Variants in MACROD2 observed in about 807,000 individuals in gnomAD.
The protein encoded by MACROD2 is mono-ADP ribosylhydrolase 2.
MACROD2 carries 36 observed loss-of-function variants against 70.4 expected under a neutral mutation model. That is an observed-to-expected ratio of 0.51 (90% CI 0.39 to 0.68). The LOEUF is 0.68. Ranked by LOEUF, MACROD2 falls within the 30% of genes least tolerant of loss-of-function variation. MACROD2 has a pLI of 0.00. For synonymous variants in MACROD2, 172 were observed against 178.8 expected, an observed-to-expected ratio of 0.96 and a Z score of 0.30; for missense variants, 496 against 538.4, an observed-to-expected ratio of 0.92 and a Z score of 0.78.
Position 14,066,805 on chromosome 20 carries a change from ATTTTTTTTTTT to A in MACROD2, c.164-18803_164-18793del, listed in dbSNP as rs34648174. Among the ~76,000 whole-genome samples, 22 of 104,108 alleles carry A rather than the reference ATTTTTTTTTTT, an allele frequency of 2.1e-4. 1 individual carries two copies. Among genetic ancestry groups the A allele is most frequent in the Non-Finnish European group, 3.7e-4 (20 of 53,682 alleles). The allele number at this position is 104,108 out of a possible 152,430, so 68.3% of individuals were successfully genotyped here. On this transcript the variant is annotated intron_variant, in intron 2 of 17. Transcript: ENST00000684519. ...AATTATGAATGCTGTTGTTTTAGTGATTTTTTTTTTTTTTTTTTTTTTTGAGACAGAGTCTT... is the reference window on the plus strand; with the variant it reads ...AATTATGAATGCTGTTGTTTTAGTGATTTTTTTTTTTTGAGACAGAGTCTT...
intron 3 of MACROD2, among the ~76,000 whole-genome samples, chr20:14,088,409 A>G (rs1323517552): frequency 6.6e-6 from 1 of 152,114 alleles, no homozygotes; most frequent in African/African-American, 2.4e-5. Context: ...GACACATAAA[A>G]GATATATATT....
At chr20:15,245,434 G>A (rs985482657) in intron 6 of MACROD2, among the ~76,000 whole-genome samples, 1 of 152,162 alleles carries the variant, frequency 6.6e-6, no homozygotes, top group Admixed American at 6.5e-5. Context: ...ATGAGGCAAG[G>A]CACTGGCAAT....
At chr20:15,813,443 G>T (rs1318151937) in intron 8 of MACROD2, among the ~76,000 whole-genome samples, 1 of 152,140 alleles carries the variant, frequency 6.6e-6, no homozygotes, top group African/African-American at 2.4e-5. Flanking sequence ...CTTGTTAGAT[G>T]CCAGCTGAAT....
At chr20:14,018,395 A>G (rs1295430989) in intron 2 of MACROD2, among the ~76,000 whole-genome samples, 1 of 151,864 alleles carries the variant, frequency 6.6e-6, no homozygotes, top group East Asian at 1.9e-4. Context: ...TATTTAATGT[A>G]TGCATTTATA....
At position 14,999,649 on chromosome 20, in the gene MACROD2, G is replaced by GA. The variant is rs546894330; in HGVS notation, c.419-230287dup. Among the ~76,000 whole-genome samples the GA allele has an allele frequency of 9.1e-4, 139 of 152,250 alleles. 1 individual carries two copies. The highest frequency in any genetic ancestry group is 3.2e-3 in the African/African-American group (132 of 41,562). On this transcript the variant is annotated intron_variant, in intron 5 of 17. Transcript: ENST00000684519. ...GACTCTATCTCAAAAAAAGAAAGAG[G>GA]AAAAGATATACATAGAAACAACAAA...
At chr20:15,454,815 G>A (rs1245992948) in intron 7 of MACROD2, among the ~76,000 whole-genome samples, 1 of 58,594 alleles carries the variant, frequency 1.7e-5, no homozygotes, top group African/African-American at 5.9e-5. Context: ...GCGAAAGTGG[G>A]CTTTTAACCA....
chr20:15,710,130 A>T (rs2050602820), intron 8 of MACROD2, among the ~76,000 whole-genome samples: 1 of 151,544 alleles, frequency 6.6e-6, no homozygotes, highest in Non-Finnish European at 1.5e-5. Context: ...CACCAAGGAA[A>T]TGCAACTCAA....
At chr20:14,924,290 T>A (rs1280882337) in intron 5 of MACROD2, among the ~76,000 whole-genome samples, 1 of 151,690 alleles carries the variant, frequency 6.6e-6, no homozygotes, top group Non-Finnish European at 1.5e-5. Context: ...AATACAGAAA[T>A]TAGCCTGGCG....
At chr20:14,860,345 A>G (rs1884020723) in intron 5 of MACROD2, among the ~76,000 whole-genome samples, 1 of 152,054 alleles carries the variant, frequency 6.6e-6, no homozygotes, top group Non-Finnish European at 1.5e-5. Context: ...AGATTGAATC[A>G]ATGCTTTTTT....
chr20:14,723,207 G>GA (rs1674766089), intron 5 of MACROD2, among the ~76,000 whole-genome samples: 1 of 152,112 alleles, frequency 6.6e-6, no homozygotes, highest in African/African-American at 2.4e-5. Flanking sequence ...ATTGAGCTTG[G>GA]AATCAAGTCC....
chr20:13,995,967 A>ACACTCGCGCG lies in MACROD2; in HGVS notation c.46+164_46+173dup, dbSNP rs2052635652. Reference sequence around the variant, plus strand: ...CCGGTGTCCGTGTGTACACACGCGCACACTCGCGCGCACTCCGGCGTGCAC... The same window carrying ACACTCGCGCG: ...CCGGTGTCCGTGTGTACACACGCGCACACTCGCGCGCACTCGCGCGCACTCCGGCGTGCAC... On this transcript the variant is annotated intron_variant, in intron 1 of 17. Transcript: ENST00000684519. This position sits in a 1 kb window ranked among gnomAD's most constrained non-coding sequence, Gnocchi z 4.3. 6.6e-6 allele frequency among the ~76,000 whole-genome samples: 1 copy of ACACTCGCGCG among 152,032 alleles called. No homozygotes were observed. The highest frequency in any genetic ancestry group is 1.5e-5 in the Non-Finnish European group (1 of 67,988).
At chr20:14,290,107 G>A (rs997190041) in intron 3 of MACROD2, among the ~76,000 whole-genome samples, 2 of 152,076 alleles carry the variant, frequency 1.3e-5, no homozygotes, top group Non-Finnish European at 2.9e-5. Flanking sequence ...TTTTGGTTTG[G>A]CAGTTACCAC....
chr20:15,866,878 G>A (rs1012692908), intron 9 of MACROD2, among the ~76,000 whole-genome samples: 1 of 152,136 alleles, frequency 6.6e-6, no homozygotes, highest in African/African-American at 2.4e-5. Context: ...AGTGGTAAAC[G>A]AGAAGCCCAA....
chr20:14,204,510 C>G (rs751822403), intron 3 of MACROD2, among the ~76,000 whole-genome samples: 16 of 152,278 alleles, frequency 1.1e-4, no homozygotes, highest in Admixed American at 2.6e-4. Flanking sequence ...GTGAACTCCT[C>G]TCTGAAACAA....
chr20:15,667,499 G>C (rs112575358), intron 8 of MACROD2, among the ~76,000 whole-genome samples: 51 of 150,364 alleles, frequency 3.4e-4, no homozygotes, highest in Admixed American at 1.2e-3. Context: ...ATCTATCTAT[G>C]TATCTATCTA....
At chr20:14,538,185 C>T (rs955320207) in intron 4 of MACROD2, among the ~76,000 whole-genome samples, 2 of 152,120 alleles carry the variant, frequency 1.3e-5, no homozygotes, top group African/African-American at 2.4e-5. Flanking sequence ...AGGTCTCAAC[C>T]GTGGGAGGGG....
At chr20:14,327,044 A>T (rs145495316) in intron 3 of MACROD2, 13 of 1,613,674 alleles carry the variant, frequency 8.1e-6, no homozygotes, top group Non-Finnish European at 1.1e-5. Flanking sequence ...AGTCGGAGAT[A>T]GTTGCTGTCT....
intron 5 of MACROD2, among the ~76,000 whole-genome samples, chr20:15,130,971 G>A (rs1413200938): frequency 2.0e-5 from 3 of 152,018 alleles, no homozygotes; most frequent in Non-Finnish European, 2.9e-5. Context: ...CCAGAGAGGA[G>A]ATGGCAAAAC....
chr20:14,858,709 G>C (rs1330357337), intron 5 of MACROD2, among the ~76,000 whole-genome samples: 1 of 152,044 alleles, frequency 6.6e-6, no homozygotes, highest in Non-Finnish European at 1.5e-5. Context: ...ATTCTTCTAA[G>C]CAAAAAGATT....
Sources: allele counts gnomAD v4.1 joint callset (sites outside exome capture counted in the v4.1 genomes callset), GRCh38; gene constraint gnomAD v4.1.1; non-coding constraint Gnocchi (gnomAD v3.1); transcripts MANE v1.5; gene names NCBI Gene and HGNC (gene_info 2026-07-23, HGNC 2026-07-21).